FRMD3: variants seen among roughly 807,000 people sequenced by gnomAD.
FRMD3 encodes FERM domain containing 3, also known as FERM domain-containing protein 3.
A neutral mutation model predicts 70.2 loss-of-function variants in FRMD3; 33 were observed. That is an observed-to-expected ratio of 0.47 (90% CI 0.36 to 0.63). The LOEUF (loss-of-function observed/expected upper bound fraction) is 0.63, where lower values mean the gene tolerates loss of function less well. FRMD3 is among the 20% of genes least tolerant of loss of function. FRMD3 has a pLI of 0.00. For missense variants in FRMD3, 632 were observed against 711.4 expected, an observed-to-expected ratio of 0.89 and a Z score of 1.27; for synonymous variants, 279 against 255.9, an observed-to-expected ratio of 1.09 and a Z score of -0.86.
intron 1 of FRMD3, among the ~76,000 whole-genome samples, chr9:83,457,079 C>G (rs970212291): frequency 5.3e-5 from 8 of 152,182 alleles, no homozygotes; most frequent in Admixed American, 4.6e-4. Context: ...AAACTCAAGG[C>G]ATGACACTAT....
chr9:83,393,298 T>C (rs1158084782), intron 1 of FRMD3, among the ~76,000 whole-genome samples: 1 of 152,188 alleles, frequency 6.6e-6, no homozygotes, highest in Non-Finnish European at 1.5e-5. Context: ...TTTAATGTGT[T>C]AAAATCTATA....
chr9:83,286,520 A>G (rs10735562), intron 13 of FRMD3, among the ~76,000 whole-genome samples: 135,559 of 151,988 alleles, frequency 0.89, 61,043 homozygotes, highest in East Asian at 1. Flanking sequence ...TAGTAGAGAC[A>G]GGGGTTTCAC....
intron 10 of FRMD3, among the ~76,000 whole-genome samples, chr9:83,308,092 G>A (rs552816312): frequency 2.0e-5 from 3 of 152,280 alleles, no homozygotes; most frequent in East Asian, 1.9e-4. Context: ...CATTTTGTGC[G>A]TCATCTCACC....
chr9:83,284,395 G>A (rs1330576401), intron 13 of FRMD3, among the ~76,000 whole-genome samples: 2 of 152,132 alleles, frequency 1.3e-5, no homozygotes, highest in Admixed American at 6.5e-5. Context: ...AGATCACAAG[G>A]GGAAGAGATC....
chr9:83,524,638 G>A (rs1282414239), intron 1 of FRMD3, among the ~76,000 whole-genome samples: 2 of 152,110 alleles, frequency 1.3e-5, no homozygotes, highest in Non-Finnish European at 2.9e-5. Flanking sequence ...TGTAATAAGA[G>A]CAAACCTAAA....
chr9:83,361,023 G>A (rs1225752800), intron 3 of FRMD3, among the ~76,000 whole-genome samples: 8 of 152,302 alleles, frequency 5.3e-5, no homozygotes, highest in Non-Finnish European at 5.9e-5. Context: ...CTAATGAGCT[G>A]TCTCTAGAAC....
rs1456475006 is a variant in FRMD3, at chr9:83,537,843, T to C, written c.147+242A>G. 6.7e-6 allele frequency among the ~76,000 whole-genome samples: 1 copy of C among 149,318 alleles called. No homozygotes were observed. The highest frequency in any genetic ancestry group is 1.5e-5 in the Non-Finnish European group (1 of 67,388). ...GGCGCAGTGAGACGCGCGCGCAGGGTGCACGCGAGGGGAAGGAGACTGGGC... is the reference window on the plus strand; with the variant it reads ...GGCGCAGTGAGACGCGCGCGCAGGGCGCACGCGAGGGGAAGGAGACTGGGC... On this transcript the variant is annotated intron_variant, in intron 1 of 13. Transcript: ENST00000304195. This position sits in a 1 kb window ranked among gnomAD's most constrained non-coding sequence, Gnocchi z 4.1.
Position 83,362,175 on chromosome 9 carries a change from T to TTCTC in FRMD3, c.295+10734_295+10737dup, listed in dbSNP as rs67469418. On this transcript the variant is annotated intron_variant, in intron 3 of 13. Transcript: ENST00000304195. ...ACCAGAGCAAAATCGATGCTGTTGG[T>TTCTC]TCTCTCTCTCTCTCTCTCTCTCTCT... is the stretch of plus-strand genomic sequence containing the variant. Among the ~76,000 whole-genome samples the TTCTC allele has an allele frequency of 6.1e-4, 90 of 147,040 alleles. 1 individual carries two copies. The highest frequency in any genetic ancestry group is 7.8e-4 in the African/African-American group (31 of 39,534).
At chr9:83,535,209 A>G (rs1829866777) in intron 1 of FRMD3, among the ~76,000 whole-genome samples, 1 of 152,162 alleles carries the variant, frequency 6.6e-6, no homozygotes, top group Admixed American at 6.5e-5. Flanking sequence ...GGCTCATGAG[A>G]GATGCTCAAG....
intron 1 of FRMD3, among the ~76,000 whole-genome samples, chr9:83,499,776 A>G (rs1021230566): frequency 6.6e-6 from 1 of 152,238 alleles, no homozygotes; most frequent in African/African-American, 2.4e-5. Context: ...GTATGTCCAC[A>G]TAAGGTTTTT....
At chr9:83,480,642 C>T (rs1828546699) in intron 1 of FRMD3, among the ~76,000 whole-genome samples, 2 of 151,988 alleles carry the variant, frequency 1.3e-5, no homozygotes, top group Admixed American at 6.6e-5. Flanking sequence ...ATTACAGGCA[C>T]CTGCCACCAC....
chr9:83,575,704 G>T, the FRMD3 span, among the ~76,000 whole-genome samples: 1 of 152,232 alleles, frequency 6.6e-6, no homozygotes, highest in Non-Finnish European at 1.5e-5. Flanking sequence ...GACTAAAGAA[G>T]AAATAGACAA....
chr9:83,448,898 C>A (rs1827558474), intron 1 of FRMD3, among the ~76,000 whole-genome samples: 1 of 152,206 alleles, frequency 6.6e-6, no homozygotes, highest in African/African-American at 2.4e-5. Flanking sequence ...TAGACAGCAA[C>A]CTCATTGCAA....
chr9:83,568,644 A>G, the FRMD3 span, among the ~76,000 whole-genome samples: 1 of 147,502 alleles, frequency 6.8e-6, no homozygotes, highest in African/African-American at 2.4e-5. Context: ...TGTGGGGTGG[A>G]GAAGAAGGGA....
chr9:83,464,316 C>T (rs1237127523), intron 1 of FRMD3, among the ~76,000 whole-genome samples: 4 of 152,156 alleles, frequency 2.6e-5, no homozygotes, highest in African/African-American at 9.7e-5. Context: ...CTATGAGTAC[C>T]AGCAGTCGCC....
intron 6 of FRMD3, among the ~76,000 whole-genome samples, chr9:83,328,460 G>T (rs528064682): frequency 6.6e-6 from 1 of 152,270 alleles, no homozygotes; most frequent in African/African-American, 2.4e-5. Flanking sequence ...TATAACTACT[G>T]CTTTGGACTC....
At chr9:83,416,060 G>T (rs1002507912) in intron 1 of FRMD3, among the ~76,000 whole-genome samples, 6 of 152,198 alleles carry the variant, frequency 3.9e-5, no homozygotes, top group Admixed American at 2.0e-4. Context: ...TCTTCAACAG[G>T]TACTTCTTGG....
intron 1 of FRMD3, among the ~76,000 whole-genome samples, chr9:83,510,745 A>G (rs1172861910): frequency 1.3e-5 from 2 of 152,196 alleles, no homozygotes; most frequent in Non-Finnish European, 2.9e-5. Context: ...TCCTATGCTA[A>G]ATGGAAGAAG....
chr9:83,573,922 C>T, the FRMD3 span, among the ~76,000 whole-genome samples: 5 of 152,154 alleles, frequency 3.3e-5, no homozygotes, highest in African/African-American at 1.2e-4. Flanking sequence ...GTTTTCAAAA[C>T]ATGGCTGCTG....
Sources: gnomAD v4.1 joint callset for allele counts (sites outside exome capture counted in the v4.1 genomes callset) on GRCh38, gnomAD v4.1.1 for gene constraint, Gnocchi (gnomAD v3.1) non-coding constraint, MANE v1.5 for transcripts, NCBI Gene and HGNC (gene_info 2026-07-23, HGNC 2026-07-21) for gene names.